SNAP23: variants seen among roughly 807,000 people sequenced by gnomAD.
SNAP23 encodes the protein synaptosome associated protein 23.
A neutral mutation model predicts 29.0 loss-of-function variants in SNAP23; 11 were observed. That is an observed-to-expected ratio of 0.38 (90% CI 0.24 to 0.63). The LOEUF (loss-of-function observed/expected upper bound fraction) is 0.63, where lower values mean the gene tolerates loss of function less well. SNAP23 is among the 20% of genes least tolerant of loss of function. The probability of loss-of-function intolerance (pLI) is 0.58; values close to 1 mark genes in which losing one functional copy is unlikely to be tolerated. For synonymous variants in SNAP23, 60 were observed against 82.9 expected (o/e 0.72, Z 1.50); for missense variants, 220 against 253.9 (o/e 0.87, Z 0.91).
At chr15:42,509,932 G>A (rs910609398) in intron 1 of SNAP23, among the ~76,000 whole-genome samples, 1 of 151,994 alleles carries the variant, frequency 6.6e-6, no homozygotes, top group Non-Finnish European at 1.5e-5. Context: ...AGTGGGGCGT[G>A]GTGGTGCATG....
intron 1 of SNAP23, among the ~76,000 whole-genome samples, chr15:42,504,161 C>T (rs541072941): frequency 6.6e-6 from 1 of 150,678 alleles, no homozygotes; most frequent in Admixed American, 6.6e-5. Flanking sequence ...GAGACCCTGC[C>T]TCTACAAAAA....
rs774632715 is a variant in SNAP23, at chr15:42,531,567, C to T, written c.*89C>T. Reference sequence around the variant, plus strand: ...TTTTCAGAGTTTAAGTTTTCGGTTCCACGCTCTTCTAATTGGGAGATAATA... The same window carrying T: ...TTTTCAGAGTTTAAGTTTTCGGTTCTACGCTCTTCTAATTGGGAGATAATA... On this transcript the variant is annotated 3_prime_UTR_variant, in exon 8 of 8. Transcript: ENST00000249647. 3.7e-4 allele frequency: 353 copies of T among 953,216 alleles called. 1 individual carries two copies. Among genetic ancestry groups the T allele is most frequent in the Non-Finnish European group, 5.1e-4 (319 of 623,012 alleles). 59.0% of individuals were successfully genotyped at this position (953,216 alleles called of 1,614,324 possible).
At chr15:42,491,901 T>TTTATTTAGTTAG (rs1555433008), upstream of SNAP23, among the ~76,000 whole-genome samples, 3,750 of 146,920 alleles carry the variant, frequency 0.026, 89 homozygotes, top group African/African-American at 0.065. Context: ...TATTTATTTA[T>TTTATTTAGTTAG]TTAGTTAGTT....
At chr15:42,514,178 C>T (rs1385080222) in intron 4 of SNAP23, among the ~76,000 whole-genome samples, 1 of 151,046 alleles carries the variant, frequency 6.6e-6, no homozygotes, top group Non-Finnish European at 1.5e-5. Context: ...TACTCTGTCA[C>T]CCAGGCTCGA....
intron 6 of SNAP23, among the ~76,000 whole-genome samples, chr15:42,528,712 A>G (rs2141558629): frequency 6.6e-6 from 1 of 152,104 alleles, no homozygotes; most frequent in Admixed American, 6.5e-5. Flanking sequence ...CAGCCTTCCG[A>G]GTAGCTGGGA....
intron 1 of SNAP23, among the ~76,000 whole-genome samples, chr15:42,505,887 T>C (rs2057313078): frequency 6.6e-6 from 1 of 150,930 alleles, no homozygotes; most frequent in African/African-American, 2.4e-5. Flanking sequence ...TCTCCTCCCT[T>C]CCTCCCTCCC....
chr15:42,504,885 A>G (rs1416369200), intron 1 of SNAP23, among the ~76,000 whole-genome samples: 2 of 152,310 alleles, frequency 1.3e-5, no homozygotes, highest in East Asian at 3.9e-4. Context: ...GTAGACTTCT[A>G]TCAAGCCAAA....
At chr15:42,527,549 C>T (rs970918302) in intron 5 of SNAP23, among the ~76,000 whole-genome samples, 2 of 151,950 alleles carry the variant, frequency 1.3e-5, no homozygotes, top group Admixed American at 1.3e-4. Context: ...CCACACCCAG[C>T]TAATGTTTGT....
chr15:42,494,904 A>G (rs549772507), upstream of SNAP23, among the ~76,000 whole-genome samples: 9 of 152,220 alleles, frequency 5.9e-5, no homozygotes, highest in South Asian at 1.5e-3. Context: ...GTTTACAATA[A>G]TCCTCCATCT....
In SNAP23 at chr15:42,528,112, A is replaced by G. The variant is rs2057521008; in HGVS notation, c.267-150A>G. On this transcript the variant is annotated intron_variant, in intron 5 of 7. Coordinates refer to ENST00000249647, the MANE Select transcript of SNAP23 (RefSeq NM_003825.4). ...CATCTATTTCCTATTCCATATTGCC[A>G]TGGAGCATAGTGTAGATCATCTAGA... The G allele has an allele frequency of 2.2e-5, 13 of 603,342 alleles. 1 individual carries two copies. Among genetic ancestry groups the G allele is most frequent in the South Asian group, 1.9e-4 (8 of 41,718 alleles). The allele number at this position is 603,342 out of a possible 1,614,324, so 37.4% of individuals were successfully genotyped here. A position where few individuals can be genotyped will look rare whatever the true frequency, so the allele number is the denominator to read the frequency against.
intron 6 of SNAP23, among the ~76,000 whole-genome samples, chr15:42,528,672 G>A (rs1030380219): frequency 6.6e-6 from 1 of 152,068 alleles, no homozygotes; most frequent in Non-Finnish European, 1.5e-5. Context: ...TGCAACCTCT[G>A]CCTCCCAGGT....
upstream of SNAP23, among the ~76,000 whole-genome samples, chr15:42,494,328 A>G (rs1290489489): frequency 1.3e-5 from 2 of 152,004 alleles, no homozygotes; most frequent in Non-Finnish European, 2.9e-5. Context: ...TATGAAATTA[A>G]AAAAAACATT....
chr15:42,515,714 G>A (rs2057391978), intron 5 of SNAP23, among the ~76,000 whole-genome samples: 1 of 152,124 alleles, frequency 6.6e-6, no homozygotes, highest in African/African-American at 2.4e-5. Flanking sequence ...GGCACATGAG[G>A]GATGGCCAAA....
intron 1 of SNAP23, among the ~76,000 whole-genome samples, chr15:42,505,990 G>A (rs1463039965): frequency 2.7e-5 from 4 of 149,968 alleles, no homozygotes; most frequent in Non-Finnish European, 5.9e-5. Flanking sequence ...TTGTCACTCA[G>A]GCTGGAGTGT....
At chr15:42,520,782 C>CCA (rs1475178674) in intron 5 of SNAP23, among the ~76,000 whole-genome samples, 1 of 152,238 alleles carries the variant, frequency 6.6e-6, no homozygotes, top group Non-Finnish European at 1.5e-5. Flanking sequence ...GCGTGAGCCA[C>CCA]CACACCCGGC....
chr15:42,517,440 A>T (rs28680942), intron 5 of SNAP23, among the ~76,000 whole-genome samples: 1 of 152,164 alleles, frequency 6.6e-6, no homozygotes, highest in Middle Eastern at 3.2e-3. Context: ...GAACAAGGAG[A>T]AAGAAGTCTC....
At chr15:42,493,381 CGT>C (rs962249168), upstream of SNAP23, among the ~76,000 whole-genome samples, 5 of 151,100 alleles carry the variant, frequency 3.3e-5, no homozygotes, top group East Asian at 1.9e-4. Flanking sequence ...TATGTGTGTG[CGT>C]GTGTGTGTAT....
upstream of SNAP23, chr15:42,495,240 C>T (rs1340594791): frequency 6.6e-6 from 1 of 152,186 alleles, no homozygotes; most frequent in Non-Finnish European, 1.5e-5. Flanking sequence ...GAATAAAACG[C>T]TTTGTTCATT....
chr15:42,528,056 T>A (rs909705982), intron 5 of SNAP23: 24 of 443,920 alleles, frequency 5.4e-5, no homozygotes, highest in East Asian at 2.7e-4. Flanking sequence ...CTTTTTAAAA[T>A]TTTTTTTAGT....
Sources: allele counts gnomAD v4.1 joint callset (sites outside exome capture counted in the v4.1 genomes callset), GRCh38; gene constraint gnomAD v4.1.1; transcripts MANE v1.5; gene names NCBI Gene and HGNC (gene_info 2026-07-23, HGNC 2026-07-21).